Variants in GMDS observed in about 807,000 individuals in gnomAD.
GMDS encodes GDP-mannose 4,6-dehydratase.
GMDS carries 20 observed loss-of-function variants against 49.9 expected under a neutral mutation model. The ratio of observed to expected loss-of-function variants is 0.40; its 90% CI spans 0.28 to 0.58. GMDS has a LOEUF of 0.58. GMDS is among the 20% of genes least tolerant of loss of function. GMDS has a pLI of 0.42. For missense variants in GMDS, 362 were observed against 481.4 expected, an observed-to-expected ratio of 0.75 and a Z score of 2.32; for synonymous variants, 177 against 178.6, an observed-to-expected ratio of 0.99 and a Z score of 0.07.
intron 8 of GMDS, among the ~76,000 whole-genome samples, chr6:1,740,554 C>T (rs1275361729): frequency 1.5e-5 from 2 of 136,926 alleles, no homozygotes; most frequent in African/African-American, 5.5e-5. Flanking sequence ...GAGACTCCGT[C>T]TCAAAAAAAA....
Position 1,778,709 on chromosome 6 carries a change from C to T in GMDS, c.772-36123G>A, listed in dbSNP as rs1768946775. The stretch of plus-strand genomic sequence containing the variant: ...TTGTCTGTCACTGGAGGGAACTTTC[C>T]CTTCCTGCCAGCCAGGAAAAAGCCT... On this transcript the variant is annotated intron_variant, in intron 7 of 10. Transcript: ENST00000380815. This position sits in a 1 kb window ranked among gnomAD's most constrained non-coding sequence, Gnocchi z 4.6. 6.6e-6 allele frequency among the ~76,000 whole-genome samples: 1 copy of T among 152,188 alleles called. No individual in the cohort carries two copies. Among genetic ancestry groups the T allele is most frequent in the Admixed American group, 6.5e-5 (1 of 15,284 alleles).
intron 3 of GMDS, among the ~76,000 whole-genome samples, chr6:2,116,220 AC>A (rs1774839898): frequency 6.6e-6 from 1 of 152,178 alleles, no homozygotes; most frequent in Non-Finnish European, 1.5e-5. Flanking sequence ...GAAAAAGAAA[AC>A]CTTGTAATAA....
chr6:1,834,257 C>A (rs1409684205), intron 7 of GMDS, among the ~76,000 whole-genome samples: 2 of 151,928 alleles, frequency 1.3e-5, no homozygotes, highest in Non-Finnish European at 2.9e-5. Context: ...AAAAGAGATT[C>A]CATTTAAAAT....
chr6:1,776,891 C>T (rs968744444), intron 7 of GMDS, among the ~76,000 whole-genome samples: 1 of 152,150 alleles, frequency 6.6e-6, no homozygotes, highest in Admixed American at 6.5e-5. Context: ...CACTCTTCTC[C>T]CCCAAGATCT....
At chr6:1,797,963 A>G (rs766409623) in intron 7 of GMDS, among the ~76,000 whole-genome samples, 3 of 152,132 alleles carry the variant, frequency 2.0e-5, no homozygotes, top group Non-Finnish European at 4.4e-5. Flanking sequence ...TCTCTGACTC[A>G]TTTTTCAGTT....
intron 7 of GMDS, among the ~76,000 whole-genome samples, chr6:1,821,328 CGGA>C (rs1770878334): frequency 6.6e-6 from 1 of 151,578 alleles, no homozygotes. Context: ...TCCTTTTGAG[CGGA>C]GAGGCTGAAT....
In GMDS at chr6:1,907,128, T is replaced by TTCGCA. The variant is rs1213528594; in HGVS notation, c.771+22970_771+22974dup. Among the ~76,000 whole-genome samples, 14 of 152,330 alleles carry TTCGCA rather than the reference T, an allele frequency of 9.2e-5. No individual in the cohort carries two copies. The South Asian group carries it at 2.9e-3, about 32-fold the overall frequency. ...CACACACTCTAACATTATTTGCTGT[T>TTCGCA]TCGCATGTGTAATCTCTCTACCCAT... On this transcript the variant is annotated intron_variant, in intron 7 of 10. Coordinates refer to ENST00000380815, the MANE Select transcript of GMDS (RefSeq NM_001500.4).
chr6:2,221,003 C>G (rs1181501847), intron 1 of GMDS, among the ~76,000 whole-genome samples: 2 of 152,018 alleles, frequency 1.3e-5, no homozygotes, highest in Non-Finnish European at 2.9e-5. Context: ...ACAGCAAGAC[C>G]CCGTCTATAC....
chr6:2,049,829 A>G (rs1163800801), intron 4 of GMDS, among the ~76,000 whole-genome samples: 8 of 152,234 alleles, frequency 5.3e-5, no homozygotes, highest in Non-Finnish European at 1.2e-4. Context: ...TTTGAAACCA[A>G]TGAGAACAAA....
chr6:2,197,056 AG>A lies in GMDS; in HGVS notation c.102+48264del, dbSNP rs150233560. ...CCAGCAGCAGTCCCACACCCTTCCT[AG>A]GAGAAGCAACTTCCTCAATTTAAGT... On this transcript the variant is annotated intron_variant, in intron 1 of 10. Coordinates refer to ENST00000380815, the MANE Select transcript of GMDS (RefSeq NM_001500.4). 4.7e-3 allele frequency among the ~76,000 whole-genome samples: 719 copies of A among 152,344 alleles called. 8 individuals are homozygous for A. Among genetic ancestry groups the A allele is most frequent in the African/African-American group, 0.016 (675 of 41,576 alleles).
At chr6:2,196,377 C>T (rs990013337) in intron 1 of GMDS, among the ~76,000 whole-genome samples, 3 of 152,270 alleles carry the variant, frequency 2.0e-5, no homozygotes, top group African/African-American at 7.2e-5. Flanking sequence ...TTTACTTTTA[C>T]CAAAATGTAG....
Position 2,155,118 on chromosome 6 carries a change from G to A in GMDS, c.103-30387C>T, listed in dbSNP as rs538202717. ...CTGGCACAAATACTTGATAAATGTC[G>A]ACCACTTCAAAAAAGCAAACAAATT... On this transcript the variant is annotated intron_variant, in intron 1 of 10. Coordinates refer to ENST00000380815, the MANE Select transcript of GMDS (RefSeq NM_001500.4). Among the ~76,000 whole-genome samples the A allele has an allele frequency of 7.3e-5, 11 of 151,462 alleles. No homozygotes were observed. In the South Asian group the frequency reaches 1.0e-3, roughly 14 times the overall value.
intron 7 of GMDS, among the ~76,000 whole-genome samples, chr6:1,845,830 G>C (rs1313344900): frequency 6.6e-6 from 1 of 152,086 alleles, no homozygotes; most frequent in Admixed American, 6.5e-5. Flanking sequence ...AGGAGGTAAG[G>C]CTTTTCCACC....
intron 8 of GMDS, among the ~76,000 whole-genome samples, chr6:1,740,919 A>G (rs1270118134): frequency 6.6e-6 from 1 of 152,250 alleles, no homozygotes; most frequent in Admixed American, 6.5e-5. Context: ...CATGCAAAAC[A>G]AATTTATGTA....
intron 7 of GMDS, among the ~76,000 whole-genome samples, chr6:1,745,943 G>A (rs9501768): frequency 2.0e-5 from 3 of 152,170 alleles, no homozygotes; most frequent in Non-Finnish European, 4.4e-5. Flanking sequence ...AGTGCATCCC[G>A]TCGTAATGCT....
chr6:1,775,480 A>T (rs722587), intron 7 of GMDS, among the ~76,000 whole-genome samples: 39,044 of 152,164 alleles, frequency 0.26, 5,717 homozygotes, highest in South Asian at 0.43. Flanking sequence ...TACCACAAGT[A>T]TACAAATCAA....
intron 9 of GMDS, among the ~76,000 whole-genome samples, chr6:1,648,024 C>T (rs1193351525): frequency 6.6e-6 from 1 of 152,168 alleles, no homozygotes; most frequent in Non-Finnish European, 1.5e-5. Context: ...TAAAGGAACT[C>T]GGTCTTGTTC....
chr6:1,982,258 T>A (rs988940714), intron 4 of GMDS, among the ~76,000 whole-genome samples: 1 of 151,958 alleles, frequency 6.6e-6, no homozygotes, highest in African/African-American at 2.4e-5. Context: ...GTGAATATGA[T>A]AAACTCACAG....
chr6:2,046,486 G>T (rs555686034), intron 4 of GMDS, among the ~76,000 whole-genome samples: 1 of 152,002 alleles, frequency 6.6e-6, no homozygotes, highest in African/African-American at 2.4e-5. Flanking sequence ...TGGACACAGG[G>T]TCTCACTCTG....
Sources: allele counts gnomAD v4.1 joint callset (sites outside exome capture counted in the v4.1 genomes callset), GRCh38; gene constraint gnomAD v4.1.1; non-coding constraint Gnocchi (gnomAD v3.1); transcripts MANE v1.5; gene names NCBI Gene and HGNC (gene_info 2026-07-23, HGNC 2026-07-21).